The following ARHGEF7 variants were observed in gnomAD, a reference collection of about 807,000 sequenced individuals.
ARHGEF7 encodes the protein Rho guanine nucleotide exchange factor 7.
Under a neutral mutation model 109.8 loss-of-function variants are expected in ARHGEF7, and 33 were observed. That is an observed-to-expected ratio of 0.30 (90% CI 0.23 to 0.40). The LOEUF (loss-of-function observed/expected upper bound fraction) is 0.40. Ranked by LOEUF, ARHGEF7 falls within the 10% of genes least tolerant of loss-of-function variation. The pLI is 1.00. For synonymous variants in ARHGEF7, 458 were observed against 424.6 expected, an observed-to-expected ratio of 1.08 and a Z score of -0.97; for missense variants, 938 against 1,098.5, an observed-to-expected ratio of 0.85 and a Z score of 2.07.
chr13:111,204,649 C>G (rs1306193262), intron 2 of ARHGEF7, among the ~76,000 whole-genome samples: 1 of 152,132 alleles, frequency 6.6e-6, no homozygotes, highest in East Asian at 1.9e-4. Flanking sequence ...CCAGCTCCAT[C>G]GTGGTCCCAG....
chr13:111,153,702 C>T lies in ARHGEF7; in HGVS notation c.166-203C>T, dbSNP rs1204141596. On this transcript the variant is annotated intron_variant, in intron 1 of 21. Transcript: ENST00000646102. The stretch of plus-strand genomic sequence containing the variant: ...CGGGAAGGGGCAGAGATTGGTGCAG[C>T]CCCGGAGGAAGAAAAAAGGGTGAGG... 6.1e-6 allele frequency: 8 copies of T among 1,314,278 alleles called. No individual in the cohort carries two copies. In the South Asian group the frequency reaches 7.8e-5, roughly 13 times the overall value. The allele number at this position is 1,314,278 out of a possible 1,614,324, so 81.4% of individuals were successfully genotyped here.
chr13:111,135,523 G>A (rs1002465429), intron 1 of ARHGEF7, among the ~76,000 whole-genome samples: 2 of 152,160 alleles, frequency 1.3e-5, no homozygotes, highest in African/African-American at 4.8e-5. Flanking sequence ...CACATCCCTT[G>A]TAAGTTGGAA....
intron 4 of ARHGEF7, 131 bp downstream of exon 4, chr13:111,210,133 G>A (rs894022076): frequency 3.9e-5 from 46 of 1,180,550 alleles, no homozygotes; most frequent in Middle Eastern, 2.1e-4. Flanking sequence ...CTTCGCCTCC[G>A]TTGTGCCTGT....
rs906381614 is a variant in ARHGEF7 at position 111,131,582 on chromosome 13, C to A, written c.165+15891C>A. Among the ~76,000 whole-genome samples the A allele has an allele frequency of 6.6e-6, 1 of 152,164 alleles. No homozygotes were observed. The highest frequency in any genetic ancestry group is 6.5e-5 in the Admixed American group (1 of 15,282). On this transcript the variant is annotated intron_variant, in intron 1 of 21. Coordinates refer to ENST00000646102, the MANE Select transcript of ARHGEF7 (RefSeq NM_001354046.2). The surrounding 1 kb of genome is among the most constrained non-coding windows in gnomAD (Gnocchi z 4.4). The stretch of plus-strand genomic sequence containing the variant: ...GAACGTGAGAAGGCCAAGGGCCAGC[C>A]TTGGGAAGGGTGGAGATGAATAACC...
chr13:111,280,329 A>G lies in ARHGEF7; in HGVS notation c.1564A>G (p.Arg522Gly). ...AAAGCTTGAGGACAGTGAAAATCAT[A>G]GAAATGCATTTGAAATATCAGGTGA... is the stretch of plus-strand genomic sequence containing the variant. ...ITKLEDSENH[R>G]NAFEISGSMI... is the part of the protein sequence containing the mutation. The change falls in exon 14 of 22, where the codon AGA (arginine) becomes GGA (glycine). Residue 522 changes from arginine (R) to glycine (G), a missense_variant. Physicochemically the swap from Arg to Gly is moderately radical, Grantham distance 125. Transcript: ENST00000646102. 2 of 1,613,624 alleles carry G rather than the reference A, an allele frequency of 1.2e-6. No homozygotes were observed. Among genetic ancestry groups the G allele is most frequent in the Non-Finnish European group, 1.7e-6 (2 of 1,179,896 alleles).
intron 15 of ARHGEF7, chr13:111,281,191 T>TG (rs1056709776): frequency 1.5e-5 from 2 of 136,894 alleles, no homozygotes; most frequent in African/African-American, 2.7e-5. Context: ...CTTTTTTTTT[T>TG]TTTTTTTTTT....
intron 6 of ARHGEF7, among the ~76,000 whole-genome samples, chr13:111,236,885 A>C (rs555756606): frequency 1.3e-5 from 2 of 152,252 alleles, no homozygotes; most frequent in South Asian, 4.1e-4. Context: ...GGATTGCTTG[A>C]GCCCTGGAGT....
At chr13:111,301,445 G>C in intron 20 of ARHGEF7, 33 bp from the exon 21 acceptor site, 3 of 1,598,730 alleles carry the variant, frequency 1.9e-6, no homozygotes, top group Non-Finnish European at 2.6e-6. Context: ...GCCTCACCTT[G>C]TTCATGTGTG....
intron 5 of ARHGEF7, among the ~76,000 whole-genome samples, chr13:111,221,557 A>ATC (rs1281660921): frequency 4.1e-5 from 3 of 72,592 alleles, no homozygotes; most frequent in African/African-American, 8.8e-5. Context: ...ATATCTATAT[A>ATC]TCTATATATA....
At chr13:111,253,391 A>C (rs1326569189) in intron 8 of ARHGEF7, among the ~76,000 whole-genome samples, 1 of 152,226 alleles carries the variant, frequency 6.6e-6, no homozygotes, top group Non-Finnish European at 1.5e-5. Flanking sequence ...GATAGAAAGG[A>C]GGTTAAATTC....
Position 111,151,034 on chromosome 13 carries a change from T to C in ARHGEF7, c.166-2871T>C, listed in dbSNP as rs561948262. On this transcript the variant is annotated intron_variant, in intron 1 of 21. Transcript: ENST00000646102. ...GGCATGCAGTTCAGATTTTTCCCTTTAAGGGCTCATGGGTTTTGGGCTCTG... is the reference window on the plus strand; with the variant it reads ...GGCATGCAGTTCAGATTTTTCCCTTCAAGGGCTCATGGGTTTTGGGCTCTG... Among the ~76,000 whole-genome samples, 5 of 152,340 alleles carry C rather than the reference T, an allele frequency of 3.3e-5. No homozygotes were observed. The South Asian group carries it at 1.0e-3, about 32-fold the overall frequency.
In ARHGEF7 at chr13:111,175,297, T is replaced by C. The variant is rs2078030511; in HGVS notation, c.252+21306T>C. 3.3e-5 allele frequency among the ~76,000 whole-genome samples: 5 copies of C among 152,260 alleles called. No homozygotes were observed. In the South Asian group the frequency reaches 1.0e-3, roughly 31 times the overall value. ...GTTCAGAATGTACAGAGGACAGACA[T>C]GTTCACAACAGAATTCCTGGCGCTG... On this transcript the variant is annotated intron_variant, in intron 2 of 21. Coordinates refer to ENST00000646102, the MANE Select transcript of ARHGEF7 (RefSeq NM_001354046.2).
At chr13:111,244,993 G>C (rs543774885) in intron 8 of ARHGEF7, among the ~76,000 whole-genome samples, 114 of 152,316 alleles carry the variant, frequency 7.5e-4, no homozygotes, top group African/African-American at 2.7e-3. Context: ...TAGTTGGTTG[G>C]TGAGAGGTCA....
intron 2 of ARHGEF7, among the ~76,000 whole-genome samples, chr13:111,187,244 C>G (rs2153438945): frequency 6.6e-6 from 1 of 152,306 alleles, no homozygotes; most frequent in East Asian, 1.9e-4. Flanking sequence ...CCTTGGACAG[C>G]TCTCCTTGTT....
rs1046089079 is a variant in ARHGEF7 at position 111,190,600 on chromosome 13, G to A, written c.253-14689G>A. Reference sequence around the variant, plus strand: ...ATGAAGTAGATAAACTGGCTACTCCGGTTCCTGTAGCAGTAGCCATTCTTA... The same window carrying A: ...ATGAAGTAGATAAACTGGCTACTCCAGTTCCTGTAGCAGTAGCCATTCTTA... On this transcript the variant is annotated intron_variant, in intron 2 of 21. Coordinates refer to ENST00000646102, the MANE Select transcript of ARHGEF7 (RefSeq NM_001354046.2). 3.3e-5 allele frequency among the ~76,000 whole-genome samples: 5 copies of A among 152,164 alleles called. No homozygotes were observed. In the East Asian group the frequency reaches 5.8e-4, roughly 18 times the overall value.
At chr13:111,265,915 G>A (rs562839640) in intron 8 of ARHGEF7, among the ~76,000 whole-genome samples, 15 of 152,274 alleles carry the variant, frequency 9.9e-5, no homozygotes, top group African/African-American at 3.6e-4. Flanking sequence ...TACCCAGTCC[G>A]CGGTGTTCTG....
At chr13:111,294,088 T>A (rs369026405) in intron 19 of ARHGEF7, 1 of 985,294 alleles carries the variant, frequency 1.0e-6, no homozygotes. Context: ...AATAAGAACA[T>A]TGAGGAGCAG....
chr13:111,133,191 GTATA>G (rs1352979831), intron 1 of ARHGEF7, among the ~76,000 whole-genome samples: 2 of 151,806 alleles, frequency 1.3e-5, no homozygotes, highest in African/African-American at 4.8e-5. Flanking sequence ...GTATGTATGT[GTATA>G]TATGCGTGTA....
Position 111,189,615 on chromosome 13 carries a change from G to A in ARHGEF7, c.253-15674G>A, listed in dbSNP as rs191895979. ...AGCGAAAGAACAAAGCTTCCACAGC[G>A]TGGAAGGGGACCCAAGTGGGTTGCC... On this transcript the variant is annotated intron_variant, in intron 2 of 21. Transcript: ENST00000646102. 2.5e-3 allele frequency among the ~76,000 whole-genome samples: 376 copies of A among 152,320 alleles called. 1 individual carries two copies. The highest frequency in any genetic ancestry group is 8.4e-3 in the African/African-American group (348 of 41,576).
Sources: allele counts gnomAD v4.1 joint callset (sites outside exome capture counted in the v4.1 genomes callset), GRCh38; gene constraint gnomAD v4.1.1; non-coding constraint Gnocchi (gnomAD v3.1); transcripts MANE v1.5; gene names NCBI Gene and HGNC (gene_info 2026-07-23, HGNC 2026-07-21).